Variants in ACSL6 observed in about 807,000 individuals in gnomAD.
ACSL6 encodes the protein acyl-CoA synthetase long chain family member 6, also known as long-chain-fatty-acid--CoA ligase 6.
ACSL6 carries 47 observed loss-of-function variants against 98.2 expected under a neutral mutation model. The observed-to-expected ratio is 0.48, with a 90% CI of 0.38 to 0.61. ACSL6 has a LOEUF of 0.61. ACSL6 is among the 20% of genes least tolerant of loss of function. ACSL6 has a pLI of 0.00. For synonymous variants in ACSL6, 362 were observed against 336.9 expected, an observed-to-expected ratio of 1.07 and a Z score of -0.82; for missense variants, 761 against 913.4, an observed-to-expected ratio of 0.83 and a Z score of 2.15.
At chr5:131,984,859 G>C (rs1385770349) in intron 9 of ACSL6, 4 of 174,330 alleles carry the variant, frequency 2.3e-5, no homozygotes, top group African/African-American at 9.4e-5. Context: ...CATCTGCATT[G>C]CCCTTTCACA....
Position 132,000,652 on chromosome 5 carries a change from G to A in ACSL6, c.50-6401C>T, listed in dbSNP as rs559018203. Among the ~76,000 whole-genome samples, 14 of 152,208 alleles carry A rather than the reference G, an allele frequency of 9.2e-5. No individual in the cohort carries two copies. The South Asian group carries it at 2.7e-3, about 29-fold the overall frequency. On this transcript the variant is annotated intron_variant, in intron 1 of 20. Coordinates refer to ENST00000651883, the MANE Select transcript of ACSL6 (RefSeq NM_001009185.3). The stretch of plus-strand genomic sequence containing the variant: ...TAAGGTAGACAGCTAGACTCATGGT[G>A]GCACCTGCTAATAAGTAAAAGACAA...
At chr5:132,005,699 C>T (rs1029287981) in intron 1 of ACSL6, among the ~76,000 whole-genome samples, 2 of 152,210 alleles carry the variant, frequency 1.3e-5, no homozygotes, top group Non-Finnish European at 1.5e-5. Flanking sequence ...AGGAGTCCCA[C>T]GGGGGAGTCT....
intron 6 of ACSL6, 88 bp from the exon 7 acceptor site, chr5:131,988,314 C>T (rs935218323): frequency 8.1e-6 from 12 of 1,480,782 alleles, no homozygotes; most frequent in Non-Finnish European, 1.1e-5. Context: ...TGCCAGGCAG[C>T]ACTTCCATGG....
chr5:132,008,200 A>T (rs1287999978), intron 1 of ACSL6, among the ~76,000 whole-genome samples: 1 of 152,184 alleles, frequency 6.6e-6, no homozygotes. Flanking sequence ...ATCTGTCCCA[A>T]TTCATAACTG....
chr5:131,993,408 C>T, intron 2 of ACSL6: 1 of 155,344 alleles, frequency 6.4e-6, no homozygotes, highest in Non-Finnish European at 1.4e-5. Context: ...CTTTTCAGTA[C>T]ATTCCATTTG....
chr5:131,989,519 A>G lies in ACSL6; in HGVS notation c.451-11T>C. 6.6e-7 allele frequency: 1 copy of G among 1,525,310 alleles called. No homozygotes were observed. The allele number at this position is 1,525,310 out of a possible 1,614,324, so 94.5% of individuals were successfully genotyped here. On this transcript the variant is annotated splice_polypyrimidine_tract_variant and intron_variant, in intron 4 of 20. Transcript: ENST00000651883. ...AGCCCTGTCGGCCACCTGCACACAG[A>G]TGTGGGGAAGTGATGGGAAAACAAG...
At chr5:131,985,576 T>A in intron 8 of ACSL6, 118 bp from the exon 9 acceptor site, 1 of 1,055,400 alleles carries the variant, frequency 9.5e-7, no homozygotes, top group South Asian at 1.3e-5. Flanking sequence ...GGTGTGAGCA[T>A]GTGTTGGGCA....
At chr5:131,998,029 C>T (rs957330416) in intron 1 of ACSL6, among the ~76,000 whole-genome samples, 1 of 152,156 alleles carries the variant, frequency 6.6e-6, no homozygotes, top group Non-Finnish European at 1.5e-5. Flanking sequence ...AGTCTGGTCT[C>T]ATCTCATTAT....
chr5:131,993,197 A>G (rs1051504811), intron 2 of ACSL6: 2 of 152,234 alleles, frequency 1.3e-5, no homozygotes, highest in African/African-American at 4.8e-5. Flanking sequence ...CTCAACCTGC[A>G]CCCTCCCCTA....
chr5:132,001,335 A>T (rs1755073203), intron 1 of ACSL6, among the ~76,000 whole-genome samples: 1 of 152,136 alleles, frequency 6.6e-6, no homozygotes, highest in Non-Finnish European at 1.5e-5. Flanking sequence ...AGAGGTGCAA[A>T]CACAGCAGCG....
intron 1 of ACSL6, among the ~76,000 whole-genome samples, chr5:131,995,920 T>C (rs1754772298): frequency 6.6e-6 from 1 of 152,244 alleles, no homozygotes; most frequent in African/African-American, 2.4e-5. Context: ...TTAAAGTATA[T>C]GCTTGTCAAA....
At chr5:131,999,286 T>G (rs1754947909) in intron 1 of ACSL6, 1 of 152,152 alleles carries the variant, frequency 6.6e-6, no homozygotes, top group Non-Finnish European at 1.5e-5. Context: ...GGACAGAGAG[T>G]GCAGTGCCAG....
intron 16 of ACSL6, among the ~76,000 whole-genome samples, chr5:131,967,306 C>T (rs1043863567): frequency 1.3e-5 from 2 of 152,118 alleles, no homozygotes; most frequent in African/African-American, 2.4e-5. Context: ...GTTCAGTGGA[C>T]TATAATCACG....
chr5:131,992,638 T>C (rs1439061917), intron 2 of ACSL6, among the ~76,000 whole-genome samples: 1 of 152,202 alleles, frequency 6.6e-6, no homozygotes, highest in Non-Finnish European at 1.5e-5. Context: ...TCCAGACCAC[T>C]GTCACCTTCA....
In ACSL6 at chr5:131,972,777, C is replaced by T; in HGVS notation, c.1285G>A (p.Gly429Arg). 1.9e-6 allele frequency: 3 copies of T among 1,614,114 alleles called. No individual in the cohort carries two copies. Among genetic ancestry groups the T allele is most frequent in the South Asian group, 1.1e-5 (1 of 91,074 alleles). The change falls in exon 13 of 21, where the codon GGA (glycine) becomes AGA (arginine). Residue 429 changes from glycine (G) to arginine (R), a missense_variant. Physicochemically the swap from Gly to Arg is moderately radical, Grantham distance 125 (BLOSUM62 -2). Coordinates refer to ENST00000651883, the MANE Select transcript of ACSL6 (RefSeq NM_001009185.3). ...AKRKQAEVRS[G>R]IIRNDSIWDE... is the part of the protein sequence containing the mutation. ...CAGATACTATCATTCCTGATGATTCCACTCCGGACCTCGGCTTGCTTACGC... is the reference window on the plus strand; with the variant it reads ...CAGATACTATCATTCCTGATGATTCTACTCCGGACCTCGGCTTGCTTACGC...
At chr5:131,981,384 G>C (rs987354478) in intron 9 of ACSL6, among the ~76,000 whole-genome samples, 1 of 140,204 alleles carries the variant, frequency 7.1e-6, no homozygotes, top group Non-Finnish European at 1.5e-5. Flanking sequence ...ACATGGAAAA[G>C]TGCCCAAATA....
At chr5:131,976,090 T>C in intron 10 of ACSL6, 2 of 985,444 alleles carry the variant, frequency 2.0e-6, no homozygotes, top group Non-Finnish European at 1.2e-6. Context: ...TACTCACCAC[T>C]TGTGGGAAAA....
Position 132,011,591 on chromosome 5 carries a change from C to T in ACSL6, c.-38G>A. On this transcript the variant is annotated 5_prime_UTR_variant, in exon 1 of 21. Coordinates refer to ENST00000651883, the MANE Select transcript of ACSL6 (RefSeq NM_001009185.3). The surrounding 1 kb of genome is among the most constrained non-coding windows in gnomAD (Gnocchi z 5.4). ...GGCCCGGCCCGGCCCGGCCCGGCCT[C>T]CCCGACCCGCAGCCCCGCAGCCCCG... The T allele has an allele frequency of 2.0e-6, 3 of 1,472,240 alleles. No homozygotes were observed. The highest frequency in any genetic ancestry group is 2.9e-5 in the East Asian group (1 of 34,788). 91.2% of individuals were successfully genotyped at this position (1,472,240 alleles called of 1,614,324 possible).
In ACSL6 at chr5:131,953,001, A is replaced by T; in HGVS notation, c.*1233T>A. ...ACAACCATATAGGGTTTCCAGGCAT[A>T]GCATGGGCACATTGGGAATGGAAGA... On this transcript the variant is annotated 3_prime_UTR_variant, in exon 21 of 21. Transcript: ENST00000651883. 1 of 209,626 alleles carries T rather than the reference A, an allele frequency of 4.8e-6. No individual in the cohort carries two copies. Among genetic ancestry groups the T allele is most frequent in the East Asian group, 7.3e-5 (1 of 13,766 alleles). The allele number at this position is 209,626 out of a possible 1,614,324, so 13.0% of individuals were successfully genotyped here. A position where few individuals can be genotyped will look rare whatever the true frequency, so the allele number is the denominator to read the frequency against.
Sources: allele counts gnomAD v4.1 joint callset (sites outside exome capture counted in the v4.1 genomes callset), GRCh38; gene constraint gnomAD v4.1.1; non-coding constraint Gnocchi (gnomAD v3.1); transcripts MANE v1.5; gene names NCBI Gene and HGNC (gene_info 2026-07-23, HGNC 2026-07-21).